Variants in AHI1 observed in about 807,000 individuals in gnomAD.
AHI1 encodes the protein jouberin.
Under a neutral mutation model 149.3 loss-of-function variants are expected in AHI1, and 123 were observed. The ratio of observed to expected loss-of-function variants is 0.82; its 90% CI spans 0.71 to 0.96. The LOEUF (loss-of-function observed/expected upper bound fraction) is 0.96. Among genes scored for constraint, AHI1 ranks in the 40% least tolerant of loss-of-function variants. The pLI is 0.00. For missense variants in AHI1, 1,439 were observed against 1,422.7 expected (o/e 1.01, Z -0.18); for synonymous variants, 475 against 459.8 (o/e 1.03, Z -0.42).
intron 22 of AHI1, among the ~76,000 whole-genome samples, chr6:135,395,719 CA>C (rs1050227760): frequency 1.3e-5 from 2 of 151,638 alleles, no homozygotes; most frequent in Admixed American, 1.3e-4. Flanking sequence ...TCATTACTTT[CA>C]AAAAGCACAA....
intron 11 of AHI1, among the ~76,000 whole-genome samples, chr6:135,450,172 A>C (rs908118047): frequency 1.3e-5 from 2 of 152,202 alleles, no homozygotes; most frequent in African/African-American, 4.8e-5. Context: ...AAACTCAAAG[A>C]ATGGTATAAG....
At chr6:135,367,626 T>C (rs576262929) in intron 23 of AHI1, among the ~76,000 whole-genome samples, 3 of 152,326 alleles carry the variant, frequency 2.0e-5, no homozygotes, top group Admixed American at 2.0e-4. Context: ...GTTCTTTCTT[T>C]TACTTGTTTG....
chr6:135,359,855 C>A (rs912249697), intron 23 of AHI1, among the ~76,000 whole-genome samples: 3 of 151,396 alleles, frequency 2.0e-5, no homozygotes, highest in African/African-American at 7.3e-5. Context: ...CAAAGCAAAC[C>A]AGGCAAAAAT....
chr6:135,396,379 C>T (rs1462067943), intron 22 of AHI1, among the ~76,000 whole-genome samples: 2 of 151,662 alleles, frequency 1.3e-5, no homozygotes, highest in African/African-American at 4.8e-5. Context: ...ATCTATACTT[C>T]AATGCGAATG....
chr6:135,350,861 G>A (rs1006748899), intron 24 of AHI1, among the ~76,000 whole-genome samples: 10 of 152,118 alleles, frequency 6.6e-5, no homozygotes, highest in Non-Finnish European at 2.9e-5. Context: ...ATCATGCAAA[G>A]CCCTATAGGC....
chr6:135,375,350 G>C (rs998349640), intron 23 of AHI1, among the ~76,000 whole-genome samples: 1 of 152,024 alleles, frequency 6.6e-6, no homozygotes, highest in Non-Finnish European at 1.5e-5. Context: ...CTCAATATTA[G>C]TATATATCAT....
At chr6:135,453,957 G>A (rs1388702593) in intron 10 of AHI1, among the ~76,000 whole-genome samples, 1 of 152,080 alleles carries the variant, frequency 6.6e-6, no homozygotes, top group Non-Finnish European at 1.5e-5. Flanking sequence ...CTGCCACAGA[G>A]ATCGTATTCT....
chr6:135,290,621 C>G lies in AHI1; in HGVS notation c.3486-96G>C, dbSNP rs185027626. On this transcript the variant is annotated intron_variant, in intron 27 of 28. Coordinates refer to ENST00000265602, the MANE Select transcript of AHI1 (RefSeq NM_001134831.2). ...TGATCTAGGGCCGTGGCAGTGGAAA[C>G]AAAAATGGGGATAAATGTGAGGATA... 1.4e-5 allele frequency: 17 copies of G among 1,175,682 alleles called. No individual in the cohort carries two copies. The Admixed American group carries it at 2.8e-4, about 19-fold the overall frequency. 72.8% of individuals were successfully genotyped at this position (1,175,682 alleles called of 1,614,324 possible). A position where few individuals can be genotyped will look rare whatever the true frequency, so the allele number is the denominator to read the frequency against.
intron 20 of AHI1, among the ~76,000 whole-genome samples, chr6:135,424,290 G>A (rs1273291825): frequency 1.3e-5 from 2 of 151,876 alleles, no homozygotes; most frequent in Admixed American, 1.3e-4. Context: ...TATATGTAAG[G>A]TAAAATGCTT....
chr6:135,304,140 TA>T (rs1391787900), intron 26 of AHI1, among the ~76,000 whole-genome samples: 1 of 152,164 alleles, frequency 6.6e-6, no homozygotes, highest in East Asian at 1.9e-4. Context: ...GGGCTCAGGC[TA>T]ACCTGTGGGC....
intron 21 of AHI1, among the ~76,000 whole-genome samples, chr6:135,408,305 C>A (rs1311812071): frequency 2.6e-5 from 4 of 151,790 alleles, no homozygotes; most frequent in African/African-American, 7.3e-5. Flanking sequence ...AACACATTTT[C>A]TTTTTTTTCC....
At position 135,413,714 on chromosome 6, in the gene AHI1, C is replaced by T. The variant is rs901618555; in HGVS notation, c.2765-2170G>A. Among the ~76,000 whole-genome samples the T allele has an allele frequency of 6.0e-5, 8 of 132,992 alleles. 1 individual carries two copies. In the South Asian group the frequency reaches 1.1e-3, roughly 18 times the overall value. The allele number at this position is 132,992 out of a possible 152,430, so 87.2% of individuals were successfully genotyped here. On this transcript the variant is annotated intron_variant, in intron 20 of 28. Transcript: ENST00000265602. Reference sequence around the variant, plus strand: ...AATCATCTATATGTCTATATACAAGCAATTAAGAACCAAAAATTGAAATTA... The same window carrying T: ...AATCATCTATATGTCTATATACAAGTAATTAAGAACCAAAAATTGAAATTA...
intron 27 of AHI1, among the ~76,000 whole-genome samples, chr6:135,297,276 T>C (rs1359151354): frequency 2.0e-5 from 3 of 152,196 alleles, no homozygotes; most frequent in Non-Finnish European, 4.4e-5. Context: ...TCCTGTTTTT[T>C]TCTCCCACTG....
chr6:135,332,214 C>G (rs764119513), intron 24 of AHI1, among the ~76,000 whole-genome samples: 1 of 152,004 alleles, frequency 6.6e-6, no homozygotes, highest in Non-Finnish European at 1.5e-5. Context: ...GGATTACAGG[C>G]GTGCACCACT....
At chr6:135,401,483 T>C (rs1177580797) in intron 22 of AHI1, among the ~76,000 whole-genome samples, 1 of 152,148 alleles carries the variant, frequency 6.6e-6, no homozygotes, top group African/African-American at 2.4e-5. Context: ...TAACGGACAC[T>C]TGGGAAAAAT....
intron 5 of AHI1, among the ~76,000 whole-genome samples, chr6:135,482,014 T>G (rs1281524921): frequency 6.6e-6 from 1 of 152,086 alleles, no homozygotes; most frequent in Non-Finnish European, 1.5e-5. Context: ...TTCCAATTTA[T>G]CCTTCATTTT....
intron 3 of AHI1, among the ~76,000 whole-genome samples, chr6:135,493,486 A>T (rs1022892153): frequency 3.7e-4 from 56 of 152,324 alleles, no homozygotes; most frequent in African/African-American, 1.3e-3. Context: ...TGGAGTAAAA[A>T]TTCCTATACT....
At chr6:135,329,294 A>G (rs1232028900) in intron 24 of AHI1, among the ~76,000 whole-genome samples, 1 of 152,192 alleles carries the variant, frequency 6.6e-6, no homozygotes, top group Non-Finnish European at 1.5e-5. Flanking sequence ...ACTGGCTTAA[A>G]AGCTTCAAAG....
chr6:135,287,139 G>C (rs1015432448), intron 28 of AHI1, among the ~76,000 whole-genome samples: 1 of 152,100 alleles, frequency 6.6e-6, no homozygotes. Flanking sequence ...AGGGAAGGGG[G>C]AGAAGGGGAG....
Sources: allele counts gnomAD v4.1 joint callset (sites outside exome capture counted in the v4.1 genomes callset), GRCh38; gene constraint gnomAD v4.1.1; transcripts MANE v1.5; gene names NCBI Gene and HGNC (gene_info 2026-07-23, HGNC 2026-07-21).